The following INHBA variants were observed in gnomAD, a reference collection of about 807,000 sequenced individuals.
INHBA encodes the protein inhibin subunit beta A, also known as inhibin beta A chain.
In INHBA, 1 loss-of-function variant was observed where a neutral mutation model predicts 29.0. That is an observed-to-expected ratio of 0.03 (90% confidence interval 0.01 to 0.16). INHBA has a LOEUF of 0.16. Ranked by LOEUF, INHBA falls within the 10% of genes least tolerant of loss-of-function variation. INHBA has a pLI of 1.00. For synonymous variants in INHBA, 242 were observed against 216.8 expected, an observed-to-expected ratio of 1.12 and a Z score of -1.02; for missense variants, 376 against 545.4, an observed-to-expected ratio of 0.69 and a Z score of 3.09.
In INHBA at chr7:41,689,508, CTTTTGTTTTT is replaced by C. The variant is rs1403737335; in HGVS notation, c.*132_*141del. Reference sequence around the variant, plus strand: ...TTCATCAGGTTTTGTTTTTAATTTACTTTTGTTTTTTTTTGTTTTTTTTTTTGTTTTGTTT... The same window carrying C: ...TTCATCAGGTTTTGTTTTTAATTTACTTTTGTTTTTTTTTTTGTTTTGTTT... On this transcript the variant is annotated 3_prime_UTR_variant, in exon 3 of 3. Transcript: ENST00000242208. 119 of 761,912 alleles carry C rather than the reference CTTTTGTTTTT, an allele frequency of 1.6e-4. No individual in the cohort carries two copies. The highest frequency in any genetic ancestry group is 5.3e-4 in the South Asian group (17 of 32,380). The allele number at this position is 761,912 out of a possible 1,614,324, so 47.2% of individuals were successfully genotyped here.
In INHBA at chr7:41,689,163, TCA is replaced by T. The variant is rs1794444600; in HGVS notation, c.*485_*486del. On this transcript the variant is annotated 3_prime_UTR_variant, in exon 3 of 3. Coordinates refer to ENST00000242208, the MANE Select transcript of INHBA (RefSeq NM_002192.4). ...ATGCTGATATACACAGAGATAAGTG[TCA>T]CACAGACATACCTTATGACCTGGGT... is the stretch of plus-strand genomic sequence containing the variant. The T allele has an allele frequency of 4.3e-6, 1 of 233,800 alleles. No individual in the cohort carries two copies. 14.5% of individuals were successfully genotyped at this position (233,800 alleles called of 1,614,324 possible).
upstream of INHBA, among the ~76,000 whole-genome samples, chr7:41,703,595 A>G (rs1794843810): frequency 6.6e-6 from 1 of 152,222 alleles, no homozygotes; most frequent in Non-Finnish European, 1.5e-5. Context: ...GAAAATCTGT[A>G]TAATCATATG....
chr7:41,701,217 G>A (rs1794786757), intron 1 of INHBA, among the ~76,000 whole-genome samples: 2 of 151,698 alleles, frequency 1.3e-5, no homozygotes, highest in South Asian at 2.1e-4. Flanking sequence ...TGTTCCCACC[G>A]CCCCTCCACC....
intron 2 of INHBA, among the ~76,000 whole-genome samples, chr7:41,695,055 A>G (rs1794614154): frequency 6.6e-6 from 1 of 152,210 alleles, no homozygotes; most frequent in Admixed American, 6.5e-5. Context: ...CTCCCCCTAC[A>G]CTAAGATGCA....
At chr7:41,704,336 T>A (rs1794863347), upstream of INHBA, among the ~76,000 whole-genome samples, 1 of 151,722 alleles carries the variant, frequency 6.6e-6, no homozygotes, top group Non-Finnish European at 1.5e-5. Flanking sequence ...AAGAACTGCA[T>A]ATGCAGAAAT....
rs143039617 is a variant in INHBA at position 41,687,942 on chromosome 7, T to C, written c.*1708A>G. 22 of 152,350 alleles carry C rather than the reference T, an allele frequency of 1.4e-4. No individual in the cohort carries two copies. The highest frequency in any genetic ancestry group is 4.8e-4 in the African/African-American group (20 of 41,582). 9.4% of individuals were successfully genotyped at this position (152,350 alleles called of 1,614,324 possible). A position where few individuals can be genotyped will look rare whatever the true frequency, so the allele number is the denominator to read the frequency against. ...TCCTGTTTTCCCCACAGGGGATAAC[T>C]TGTAGAAGTGGGAGGGGGCACAAAA... On this transcript the variant is annotated 3_prime_UTR_variant, in exon 3 of 3. Transcript: ENST00000242208.
At chr7:41,693,036 C>T (rs1794557342) in intron 2 of INHBA, among the ~76,000 whole-genome samples, 1 of 152,120 alleles carries the variant, frequency 6.6e-6, no homozygotes. Flanking sequence ...CTGCCTTGCC[C>T]CATAGAGAAT....
intron 2 of INHBA, among the ~76,000 whole-genome samples, chr7:41,691,019 T>G (rs1057489585): frequency 4.6e-5 from 7 of 152,224 alleles, no homozygotes; most frequent in Admixed American, 4.6e-4. Flanking sequence ...GACTAATTGC[T>G]CAACCTCAGT....
rs1380248754 is a variant in INHBA at position 41,686,834 on chromosome 7, A to C, written c.*2816T>G. On this transcript the variant is annotated 3_prime_UTR_variant, in exon 3 of 3. Coordinates refer to ENST00000242208, the MANE Select transcript of INHBA (RefSeq NM_002192.4). Reference sequence around the variant, plus strand: ...TACATGGGTATCAGCTTTCTTGGTAAATTTCTGCTTTTTCCATGGCCTTGA... The same window carrying C: ...TACATGGGTATCAGCTTTCTTGGTACATTTCTGCTTTTTCCATGGCCTTGA... 6.6e-6 allele frequency: 1 copy of C among 152,122 alleles called. No homozygotes were observed. The highest frequency in any genetic ancestry group is 1.5e-5 in the Non-Finnish European group (1 of 68,018). 9.4% of individuals were successfully genotyped at this position (152,122 alleles called of 1,614,324 possible).
At chr7:41,693,544 A>G (rs887525089) in intron 2 of INHBA, among the ~76,000 whole-genome samples, 4 of 152,212 alleles carry the variant, frequency 2.6e-5, no homozygotes, top group African/African-American at 9.6e-5. Context: ...TCACAAGAGC[A>G]GGTTTCTGAT....
chr7:41,700,086 C>T lies in INHBA; in HGVS notation c.289G>A (p.Glu97Lys). ...IRKLHVGKVG[E>K]NGYVEIEDDI... ...TCCTCTATCTCCACATACCCGTTCT[C>T]CCCGACTTTGCCCACATGAAGCTTT... Residue 97 changes from glutamate to lysine, a missense_variant, in exon 2 of 3, where the codon GAG becomes AAG. Physicochemically the swap from Glu to Lys is moderately conservative, Grantham distance 56. This residue lies in a region of INHBA where 253 missense variants were observed against 313.4 expected (regional missense o/e 0.81). Coordinates refer to ENST00000242208, the MANE Select transcript of INHBA (RefSeq NM_002192.4). The T allele has an allele frequency of 6.2e-7, 1 of 1,614,068 alleles. No homozygotes were observed. Among genetic ancestry groups the T allele is most frequent in the South Asian group, 1.1e-5 (1 of 91,072 alleles).
upstream of INHBA, chr7:41,703,162 T>C (rs891841640): frequency 6.6e-6 from 1 of 152,212 alleles, no homozygotes; most frequent in Admixed American, 6.5e-5. Flanking sequence ...GGCTGGGGCT[T>C]TGTTTGGGAT....
At chr7:41,692,761 C>A (rs1225249385) in intron 2 of INHBA, among the ~76,000 whole-genome samples, 1 of 152,196 alleles carries the variant, frequency 6.6e-6, no homozygotes, top group Admixed American at 6.5e-5. Context: ...AGCATGATGA[C>A]TTATTTTTTC....
chr7:41,698,157 C>T (rs1175015754), intron 2 of INHBA, among the ~76,000 whole-genome samples: 1 of 152,074 alleles, frequency 6.6e-6, no homozygotes, highest in East Asian at 1.9e-4. Flanking sequence ...AAAGGAAGAC[C>T]ACACATAAGA....
chr7:41,695,138 A>C lies in INHBA; in HGVS notation c.389-4596T>G, dbSNP rs371224217. Among the ~76,000 whole-genome samples the C allele has an allele frequency of 2.9e-4, 44 of 152,320 alleles. No individual in the cohort carries two copies. The South Asian group carries it at 8.9e-3, about 31-fold the overall frequency. On this transcript the variant is annotated intron_variant, in intron 2 of 2. Coordinates refer to ENST00000242208, the MANE Select transcript of INHBA (RefSeq NM_002192.4). ...ATGAACATTTTCAGTTAAATAAGCAACACACACATGCAGTGTTTCGATTTG... is the reference window on the plus strand; with the variant it reads ...ATGAACATTTTCAGTTAAATAAGCACCACACACATGCAGTGTTTCGATTTG...
intron 1 of INHBA, among the ~76,000 whole-genome samples, chr7:41,702,074 G>T (rs1411700593): frequency 1.3e-5 from 2 of 151,876 alleles, no homozygotes; most frequent in Non-Finnish European, 2.9e-5. Flanking sequence ...CTTCCCTCTC[G>T]GTTTCTTTCC....
chr7:41,697,828 C>T (rs1048513541), intron 2 of INHBA, among the ~76,000 whole-genome samples: 1 of 152,154 alleles, frequency 6.6e-6, no homozygotes, highest in Non-Finnish European at 1.5e-5. Context: ...CAGCAAAATG[C>T]TCACGTGGTT....
Position 41,700,129 on chromosome 7 carries a change from C to T in INHBA, c.246G>A (p.Ala82=). The change falls in exon 2 of 3, where the codon GCG becomes GCA. Residue 82 remains alanine, a synonymous_variant. Coordinates refer to ENST00000242208, the MANE Select transcript of INHBA (RefSeq NM_002192.4). Reference sequence around the variant, plus strand: ...GAAGCTTTCTGATCGCGTTCAGAAGCGCCGCCTTGGGTACCGGCTGGGTGA... The same window carrying T: ...GAAGCTTTCTGATCGCGTTCAGAAGTGCCGCCTTGGGTACCGGCTGGGTGA... ...PDVTQPVPKA[A]LLNAIRKLHV... The T allele has an allele frequency of 6.2e-7, 1 of 1,614,126 alleles. No homozygotes were observed. The highest frequency in any genetic ancestry group is 8.5e-7 in the Non-Finnish European group (1 of 1,180,034).
At position 41,688,414 on chromosome 7, in the gene INHBA, C is replaced by T. The variant is rs991654689; in HGVS notation, c.*1236G>A. On this transcript the variant is annotated 3_prime_UTR_variant, in exon 3 of 3. Coordinates refer to ENST00000242208, the MANE Select transcript of INHBA (RefSeq NM_002192.4). ...TTAAGCCTGAACACAATCCACACTA[C>T]TCAACCTTGAATCCCAACCCCTGAC... 4 of 152,128 alleles carry T rather than the reference C, an allele frequency of 2.6e-5. No individual in the cohort carries two copies. The highest frequency in any genetic ancestry group is 9.7e-5 in the African/African-American group (4 of 41,410). 9.4% of individuals were successfully genotyped at this position (152,128 alleles called of 1,614,324 possible).
Sources: allele counts gnomAD v4.1 joint callset (sites outside exome capture counted in the v4.1 genomes callset), GRCh38; gene constraint gnomAD v4.1.1; regional missense constraint gnomAD v4.1.1; transcripts MANE v1.5; gene names NCBI Gene and HGNC (gene_info 2026-07-23, HGNC 2026-07-21).